The following PLCXD3 variants were observed in gnomAD, a reference collection of about 807,000 sequenced individuals.
The protein encoded by PLCXD3 is phosphatidylinositol specific phospholipase C X domain containing 3.
Under a neutral mutation model 25.5 loss-of-function variants are expected in PLCXD3, and 19 were observed. The ratio of observed to expected loss-of-function variants is 0.75; its 90% CI spans 0.52 to 1.09. The LOEUF is 1.09. Ranked by LOEUF, PLCXD3 falls within the 50% of genes least tolerant of loss-of-function variation. The pLI is 0.00. For missense variants in PLCXD3, 411 were observed against 388.1 expected (o/e 1.06, Z -0.50); for synonymous variants, 174 against 137.6 (o/e 1.26, Z -1.85).
intron 2 of PLCXD3, among the ~76,000 whole-genome samples, chr5:41,378,644 T>C (rs1353612364): frequency 6.6e-6 from 1 of 152,136 alleles, no homozygotes; most frequent in South Asian, 2.1e-4. Flanking sequence ...GAACAAAATT[T>C]AAGTGCTTGG....
chr5:41,321,383 A>C (rs1743466403), intron 2 of PLCXD3, among the ~76,000 whole-genome samples: 1 of 152,184 alleles, frequency 6.6e-6, no homozygotes, highest in Non-Finnish European at 1.5e-5. Flanking sequence ...AAACCAAAAA[A>C]AGTGAAAGAG....
intron 2 of PLCXD3, among the ~76,000 whole-genome samples, chr5:41,357,115 G>A (rs1038031763): frequency 1.3e-5 from 2 of 152,190 alleles, no homozygotes; most frequent in Admixed American, 6.5e-5. Context: ...GTCACTTGAT[G>A]TATTTAAATA....
chr5:41,374,248 C>G (rs1016404691), intron 2 of PLCXD3, among the ~76,000 whole-genome samples: 1 of 152,034 alleles, frequency 6.6e-6, no homozygotes, highest in Non-Finnish European at 1.5e-5. Flanking sequence ...GAGCCACAGA[C>G]TATTAAATCA....
Position 41,430,767 on chromosome 5 carries a change from GC to G in PLCXD3, c.104-48234del, listed in dbSNP as rs376667285. 5.2e-4 allele frequency among the ~76,000 whole-genome samples: 79 copies of G among 152,170 alleles called. 1 individual carries two copies. In the East Asian group the frequency reaches 0.014, roughly 27 times the overall value. Reference sequence around the variant, plus strand: ...ATTTGAGGATATAAATTATTCGAAAGCTTTTGGGGGAAATAAAACTTTTACA... The same window carrying G: ...ATTTGAGGATATAAATTATTCGAAAGTTTTGGGGGAAATAAAACTTTTACA... On this transcript the variant is annotated intron_variant, in intron 1 of 2. Transcript: ENST00000377801.
At chr5:41,414,140 C>G (rs1299866851) in intron 1 of PLCXD3, among the ~76,000 whole-genome samples, 1 of 152,166 alleles carries the variant, frequency 6.6e-6, no homozygotes, top group South Asian at 2.1e-4. Flanking sequence ...CTTCCATACC[C>G]CAAAAGAAGT....
At chr5:41,360,045 TTTTA>T (rs1744729997) in intron 2 of PLCXD3, among the ~76,000 whole-genome samples, 1 of 152,164 alleles carries the variant, frequency 6.6e-6, no homozygotes, top group African/African-American at 2.4e-5. Flanking sequence ...AAAAATTCTT[TTTTA>T]TTTGTGTTTG....
chr5:41,348,969 C>T (rs1240315193), intron 2 of PLCXD3, among the ~76,000 whole-genome samples: 1 of 152,184 alleles, frequency 6.6e-6, no homozygotes, highest in Non-Finnish European at 1.5e-5. Flanking sequence ...TGTACTTGCT[C>T]TGGTTTTCCA....
At chr5:41,489,415 T>C (rs919104481) in intron 1 of PLCXD3, among the ~76,000 whole-genome samples, 1 of 152,128 alleles carries the variant, frequency 6.6e-6, no homozygotes, top group Non-Finnish European at 1.5e-5. Flanking sequence ...CGATGCGGGC[T>C]CTTTTTTGGT....
intron 1 of PLCXD3, among the ~76,000 whole-genome samples, chr5:41,477,206 T>C (rs1561284801): frequency 6.6e-6 from 1 of 152,168 alleles, no homozygotes; most frequent in African/African-American, 2.4e-5. Context: ...GGGAATAATA[T>C]GTTACCCTAA....
At chr5:41,353,093 CTTT>C (rs869052057) in intron 2 of PLCXD3, among the ~76,000 whole-genome samples, 1 of 136,524 alleles carries the variant, frequency 7.3e-6, no homozygotes. Context: ...GCACACTCAG[CTTT>C]TTTTTTTTTT....
At chr5:41,399,587 A>G (rs1746117436) in intron 1 of PLCXD3, among the ~76,000 whole-genome samples, 1 of 152,190 alleles carries the variant, frequency 6.6e-6, no homozygotes, top group African/African-American at 2.4e-5. Context: ...ATGAGCATAC[A>G]CTGGGGAAAA....
intron 2 of PLCXD3, among the ~76,000 whole-genome samples, chr5:41,321,468 T>G (rs1258404077): frequency 2.0e-5 from 3 of 152,158 alleles, no homozygotes; most frequent in Non-Finnish European, 4.4e-5. Flanking sequence ...TGTTTATAGA[T>G]TGAAAGAATC....
intron 1 of PLCXD3, among the ~76,000 whole-genome samples, chr5:41,486,794 C>A (rs1748528173): frequency 6.6e-6 from 1 of 152,144 alleles, no homozygotes; most frequent in Admixed American, 6.6e-5. Flanking sequence ...ATTCTGACAA[C>A]AAAGAATATG....
At position 41,382,010 on chromosome 5, in the gene PLCXD3, G is replaced by T; in HGVS notation, c.628C>A (p.Gln210Lys). The change falls in exon 2 of 3, where the codon CAG becomes AAG. Residue 210 changes from glutamine to lysine, a missense_variant. By Grantham distance (53) the Gln-to-Lys change is moderately conservative (BLOSUM62 1). Coordinates refer to ENST00000377801, the MANE Select transcript of PLCXD3 (RefSeq NM_001005473.3). ...TTGGCCCAGGGTGCTGGCATCATCT[G>T]CCCAGGCCAGAGAAAGGGCACTTCC... The part of the protein sequence containing the change: ...ALEVPFLWPG[Q>K]MMPAPWANTT... 1 of 1,613,510 alleles carries T rather than the reference G, an allele frequency of 6.2e-7. No homozygotes were observed. The highest frequency in any genetic ancestry group is 8.5e-7 in the Non-Finnish European group (1 of 1,179,730).
At chr5:41,471,344 G>T (rs1015624264) in intron 1 of PLCXD3, among the ~76,000 whole-genome samples, 1 of 152,164 alleles carries the variant, frequency 6.6e-6, no homozygotes, top group African/African-American at 2.4e-5. Flanking sequence ...GAAAACCCAT[G>T]CACTAGTGAT....
chr5:41,445,210 A>G (rs1747466472), intron 1 of PLCXD3, among the ~76,000 whole-genome samples: 1 of 152,204 alleles, frequency 6.6e-6, no homozygotes, highest in Non-Finnish European at 1.5e-5. Flanking sequence ...TGAATTCATA[A>G]CAAGTCTGGT....
intron 2 of PLCXD3, among the ~76,000 whole-genome samples, chr5:41,348,929 TA>T: frequency 6.6e-6 from 1 of 152,192 alleles, no homozygotes; most frequent in Non-Finnish European, 1.5e-5. Flanking sequence ...TAGTAGGGTC[TA>T]AAAAGGTCAA....
At chr5:41,446,211 G>C (rs1259944793) in intron 1 of PLCXD3, among the ~76,000 whole-genome samples, 1 of 87,222 alleles carries the variant, frequency 1.1e-5, no homozygotes, top group Non-Finnish European at 2.7e-5. Flanking sequence ...AGAACAACGA[G>C]AGAATAGTGA....
chr5:41,372,410 C>T (rs1372110091), intron 2 of PLCXD3, among the ~76,000 whole-genome samples: 1 of 151,726 alleles, frequency 6.6e-6, no homozygotes, highest in African/African-American at 2.4e-5. Flanking sequence ...TCTTTAACCT[C>T]TCTAAAACTG....
Sources: gnomAD v4.1 joint callset for allele counts (sites outside exome capture counted in the v4.1 genomes callset) on GRCh38, gnomAD v4.1.1 for gene constraint, MANE v1.5 for transcripts, NCBI Gene and HGNC (gene_info 2026-07-23, HGNC 2026-07-21) for gene names.